Variants in KALRN observed in about 807,000 individuals in gnomAD.
KALRN encodes the protein kalirin.
KALRN carries 70 observed loss-of-function variants against 353.7 expected under a neutral mutation model. That is an observed-to-expected ratio of 0.20 (90% CI 0.16 to 0.24). The LOEUF is 0.24. Ranked by LOEUF, KALRN falls within the 10% of genes least tolerant of loss-of-function variation. The pLI is 1.00. For synonymous variants in KALRN, 1,391 were observed against 1,434.8 expected (o/e 0.97, Z 0.69); for missense variants, 2,791 against 3,756.7 (o/e 0.74, Z 6.72).
chr3:124,107,542 C>T (rs940244914), intron 1 of KALRN, among the ~76,000 whole-genome samples: 4 of 152,136 alleles, frequency 2.6e-5, no homozygotes, highest in African/African-American at 9.7e-5. Flanking sequence ...TTTTCTAGGC[C>T]TTGTCCTCCC....
rs138410645 is a variant in KALRN, at chr3:124,377,446, A to C, written c.1771-7399A>C. Among the ~76,000 whole-genome samples, 19 of 152,206 alleles carry C rather than the reference A, an allele frequency of 1.2e-4. No homozygotes were observed. The South Asian group carries it at 1.4e-3, about 12-fold the overall frequency. Reference sequence around the variant, plus strand: ...GACTTGCATCTCTTTAACTTTGTTGAGACTCATTCTATGGCTGAGAATATG... The same window carrying C: ...GACTTGCATCTCTTTAACTTTGTTGCGACTCATTCTATGGCTGAGAATATG... On this transcript the variant is annotated intron_variant, in intron 10 of 59. Transcript: ENST00000682506.
chr3:124,395,219 A>G lies in KALRN; in HGVS notation c.2047A>G (p.Lys683Glu). 25 of 1,613,144 alleles carry G rather than the reference A, an allele frequency of 1.5e-5. No individual in the cohort carries two copies. The highest frequency in any genetic ancestry group is 2.1e-5 in the Non-Finnish European group (25 of 1,179,774). ...DSVDAVQELI[K>E]QFQQQQTATL... is the part of the protein sequence containing the mutation. ...TGTGGATGCAGTCCAGGAACTGATC[A>G]AGCAGTTCCAGCAGCAGCAGACCGC... Residue 683 changes from lysine to glutamate, a missense_variant, in exon 12 of 60, where the codon AAG becomes GAG. Lys to Glu is a moderately conservative substitution (Grantham distance 56). This residue lies in a region of KALRN where 452 missense variants were observed against 575.8 expected (regional missense o/e 0.78). Coordinates refer to ENST00000682506, the MANE Select transcript of KALRN (RefSeq NM_001388419.1).
chr3:124,198,400 G>C (rs1271453472), intron 1 of KALRN, among the ~76,000 whole-genome samples: 1 of 152,212 alleles, frequency 6.6e-6, no homozygotes, highest in African/African-American at 2.4e-5. Flanking sequence ...GAAAATGCGT[G>C]TCAAGTCCTT....
chr3:124,594,483 C>T (rs34699891), intron 34 of KALRN, among the ~76,000 whole-genome samples: 37,137 of 152,178 alleles, frequency 0.24, 4,716 homozygotes, highest in East Asian at 0.33. Context: ...CTTGGCCTCC[C>T]AAAGTGCTGG....
chr3:124,232,806 A>G (rs981731751), intron 2 of KALRN, among the ~76,000 whole-genome samples: 17 of 152,004 alleles, frequency 1.1e-4, no homozygotes, highest in African/African-American at 4.1e-4. Flanking sequence ...TATTTATTAT[A>G]TGATTTGAAA....
intron 13 of KALRN, among the ~76,000 whole-genome samples, chr3:124,409,350 C>T (rs369592040): frequency 3.3e-5 from 5 of 152,212 alleles, no homozygotes; most frequent in African/African-American, 1.2e-4. Flanking sequence ...TAAATTCACT[C>T]ACTGGCACAG....
chr3:124,211,737 T>C (rs1177953300), intron 1 of KALRN, among the ~76,000 whole-genome samples: 3 of 152,192 alleles, frequency 2.0e-5, no homozygotes, highest in South Asian at 2.1e-4. Flanking sequence ...ACATGTCCTT[T>C]CCCAGTGCTT....
intron 1 of KALRN, among the ~76,000 whole-genome samples, chr3:124,116,580 G>C (rs889372823): frequency 1.3e-5 from 2 of 152,150 alleles, no homozygotes; most frequent in Non-Finnish European, 2.9e-5. Context: ...ATGATGATGA[G>C]AATATAGTAG....
chr3:124,518,384 G>T, intron 33 of KALRN: 3 of 1,609,444 alleles, frequency 1.9e-6, no homozygotes, highest in Non-Finnish European at 2.6e-6. Flanking sequence ...ACAGAGCCCG[G>T]CCCTTTTCTT....
intron 14 of KALRN, among the ~76,000 whole-genome samples, chr3:124,418,072 C>G (rs567318022): frequency 1.3e-5 from 2 of 151,940 alleles, no homozygotes; most frequent in African/African-American, 2.4e-5. Flanking sequence ...GTGGGTGGAA[C>G]AGATGTAGGT....
At chr3:124,099,880 C>T (rs775379768) in intron 1 of KALRN, among the ~76,000 whole-genome samples, 33 of 152,092 alleles carry the variant, frequency 2.2e-4, no homozygotes, top group Admixed American at 1.1e-3. Context: ...AGAGCCTATT[C>T]GGGCCAGGTG....
intron 26 of KALRN, 97 bp from the exon 27 acceptor site, chr3:124,477,148 G>T: frequency 2.6e-6 from 2 of 763,490 alleles, no homozygotes; most frequent in Admixed American, 4.4e-5. Context: ...GGTGTCTGAG[G>T]GTCTTAACTG....
At position 124,334,908 on chromosome 3, in the gene KALRN, C is replaced by T. The variant is rs377441883; in HGVS notation, c.1647+413C>T. Among the ~76,000 whole-genome samples the T allele has an allele frequency of 5.9e-5, 9 of 152,172 alleles. No individual in the cohort carries two copies. Among genetic ancestry groups the T allele is most frequent in the African/African-American group, 2.2e-4 (9 of 41,442 alleles). Reference sequence around the variant, plus strand: ...TTTCTGGGTTCAAGCGATTCTTGTTCCTCAGCCTCCCAAGTAGCTGGGATT... The same window carrying T: ...TTTCTGGGTTCAAGCGATTCTTGTTTCTCAGCCTCCCAAGTAGCTGGGATT... On this transcript the variant is annotated intron_variant, in intron 9 of 59. Coordinates refer to ENST00000682506, the MANE Select transcript of KALRN (RefSeq NM_001388419.1). The surrounding 1 kb of genome is among the most constrained non-coding windows in gnomAD (Gnocchi z 4.2).
chr3:124,305,715 A>C, intron 6 of KALRN, among the ~76,000 whole-genome samples: 1 of 151,964 alleles, frequency 6.6e-6, no homozygotes. Context: ...TATTTCAATA[A>C]TCCAGTCACT....
At chr3:124,642,796 C>G (rs1486835148) in intron 37 of KALRN, among the ~76,000 whole-genome samples, 2 of 98,772 alleles carry the variant, frequency 2.0e-5, no homozygotes, top group Admixed American at 1.2e-4. Context: ...GGAAGAGATT[C>G]CCAAGCCTCG....
At position 124,398,715 on chromosome 3, in the gene KALRN, C is replaced by A; in HGVS notation, c.2190C>A (p.Asn730Lys). The A allele has an allele frequency of 6.2e-7, 1 of 1,614,154 alleles. No individual in the cohort carries two copies. The highest frequency in any genetic ancestry group is 8.5e-7 in the Non-Finnish European group (1 of 1,180,040). The stretch of plus-strand genomic sequence containing the variant: ...GCCACAGGGACTCGGCTGTGTCCAA[C>A]AACAAAACACCCCACAGCAGCTCCA... ...PSEARDSAVS[N>K]NKTPHSSSIS... The change falls in exon 13 of 60, where the codon AAC becomes AAA. Residue 730 changes from asparagine to lysine, a missense_variant. By Grantham distance (94) the Asn-to-Lys change is moderately conservative. This residue lies in a region of KALRN where 452 missense variants were observed against 575.8 expected (regional missense o/e 0.78). Coordinates refer to ENST00000682506, the MANE Select transcript of KALRN (RefSeq NM_001388419.1).
intron 5 of KALRN, among the ~76,000 whole-genome samples, chr3:124,298,338 C>A (rs2077002465): frequency 6.6e-6 from 1 of 152,158 alleles, no homozygotes; most frequent in South Asian, 2.1e-4. Context: ...ATCAATTCAA[C>A]ATTGTGTGTG....
At chr3:124,692,406 T>C (rs1164325781) in intron 51 of KALRN, among the ~76,000 whole-genome samples, 3 of 152,206 alleles carry the variant, frequency 2.0e-5, no homozygotes, top group Non-Finnish European at 4.4e-5. Context: ...ATAATGTCTT[T>C]CTTCCAAAGG....
intron 33 of KALRN, among the ~76,000 whole-genome samples, chr3:124,496,855 C>T (rs1052667691): frequency 6.6e-6 from 1 of 152,048 alleles, no homozygotes; most frequent in Non-Finnish European, 1.5e-5. Context: ...AAAGTTAGAC[C>T]AAGATTAAAG....
Sources: allele counts gnomAD v4.1 joint callset (sites outside exome capture counted in the v4.1 genomes callset), GRCh38; gene constraint gnomAD v4.1.1; regional missense constraint gnomAD v4.1.1; non-coding constraint Gnocchi (gnomAD v3.1); transcripts MANE v1.5; gene names NCBI Gene and HGNC (gene_info 2026-07-23, HGNC 2026-07-21).